Variants in TBC1D14 observed in about 807,000 individuals in gnomAD.
TBC1D14 encodes TBC1 domain family, member 14.
A neutral mutation model predicts 79.0 loss-of-function variants in TBC1D14; 26 were observed. The observed-to-expected ratio is 0.33, with a 90% CI of 0.24 to 0.46. The LOEUF is 0.46. Among genes scored for constraint, TBC1D14 ranks in the 20% least tolerant of loss-of-function variants. The pLI is 1.00. For missense variants in TBC1D14, 769 were observed against 887.6 expected (o/e 0.87, Z 1.70); for synonymous variants, 394 against 349.9 (o/e 1.13, Z -1.40).
intron 3 of TBC1D14, among the ~76,000 whole-genome samples, chr4:6,972,368 A>T (rs770089258): frequency 5.3e-5 from 8 of 152,220 alleles, no homozygotes; most frequent in Non-Finnish European, 1.0e-4. Flanking sequence ...GCCGCCGGCC[A>T]CCAAATGCAA....
At chr4:6,918,689 A>G (rs1723597076) in intron 1 of TBC1D14, among the ~76,000 whole-genome samples, 2 of 152,210 alleles carry the variant, frequency 1.3e-5, no homozygotes, top group Admixed American at 6.5e-5. Context: ...AGCTCTGTTT[A>G]GCATAGGATT....
intron 13 of TBC1D14, among the ~76,000 whole-genome samples, chr4:7,027,469 GCA>G (rs777823928): frequency 8.8e-4 from 93 of 105,196 alleles, no homozygotes; most frequent in Non-Finnish European, 1.3e-3. Context: ...TCACCCCCAC[GCA>G]CACTCATTGC....
chr4:6,946,130 G>A (rs540653502), intron 2 of TBC1D14, among the ~76,000 whole-genome samples: 3 of 152,226 alleles, frequency 2.0e-5, no homozygotes, highest in African/African-American at 2.4e-5. Context: ...GACAAGCCCC[G>A]TGAGGATGGG....
chr4:6,994,385 C>G, intron 4 of TBC1D14, 83 bp downstream of exon 4: 2 of 1,271,008 alleles, frequency 1.6e-6, no homozygotes, highest in Non-Finnish European at 2.3e-6. Context: ...TAGAGAAAAA[C>G]TAGGGTCAGA....
intron 2 of TBC1D14, among the ~76,000 whole-genome samples, chr4:6,944,378 G>C (rs530080296): frequency 6.6e-6 from 1 of 152,258 alleles, no homozygotes; most frequent in South Asian, 2.1e-4. Context: ...TTTTGCGTCT[G>C]CGTTTTGATG....
chr4:6,965,670 C>G (rs1715640410), intron 2 of TBC1D14, among the ~76,000 whole-genome samples: 1 of 152,156 alleles, frequency 6.6e-6, no homozygotes, highest in African/African-American at 2.4e-5. Flanking sequence ...TCCCCAGTAG[C>G]TAGGGCTGCT....
intron 2 of TBC1D14, among the ~76,000 whole-genome samples, chr4:6,928,475 T>G (rs1183193303): frequency 1.3e-5 from 2 of 152,324 alleles, no homozygotes; most frequent in East Asian, 3.9e-4. Context: ...AGGAGGTCAC[T>G]TAGCCCCTGC....
chr4:6,923,303 C>G, intron 1 of TBC1D14, 70 bp from the exon 2 acceptor site: 1 of 1,487,782 alleles, frequency 6.7e-7, no homozygotes. Flanking sequence ...ACCATTTCAG[C>G]TGTGTGTCAG....
chr4:6,953,615 G>T (rs1714318635), intron 2 of TBC1D14, among the ~76,000 whole-genome samples: 1 of 102,096 alleles, frequency 9.8e-6, no homozygotes, highest in African/African-American at 3.6e-5. Flanking sequence ...CTGGGCGACA[G>T]CGAGACTCCG....
chr4:6,986,328 T>A (rs1466475411), intron 3 of TBC1D14, among the ~76,000 whole-genome samples: 1 of 152,216 alleles, frequency 6.6e-6, no homozygotes. Context: ...TCTCTGGTCG[T>A]ATTTCTCTTG....
intron 2 of TBC1D14, among the ~76,000 whole-genome samples, chr4:6,944,045 T>TTG (rs962773768): frequency 6.6e-5 from 10 of 152,118 alleles, no homozygotes; most frequent in African/African-American, 2.4e-4. Context: ...TTGGGTTTTT[T>TTG]TGTGTGTGTG....
At chr4:6,932,668 A>T (rs1490810965) in intron 2 of TBC1D14, among the ~76,000 whole-genome samples, 1 of 152,194 alleles carries the variant, frequency 6.6e-6, no homozygotes, top group Non-Finnish European at 1.5e-5. Flanking sequence ...CCAGGAGTCC[A>T]GTGGCCATTC....
intron 2 of TBC1D14, among the ~76,000 whole-genome samples, chr4:6,960,246 T>A (rs1206304535): frequency 2.0e-5 from 3 of 149,582 alleles, no homozygotes; most frequent in African/African-American, 4.9e-5. Flanking sequence ...CATGCCTGGC[T>A]ATTTTTTTTT....
intron 3 of TBC1D14, among the ~76,000 whole-genome samples, chr4:6,970,336 C>T (rs1716111113): frequency 6.6e-6 from 1 of 152,214 alleles, no homozygotes; most frequent in African/African-American, 2.4e-5. Context: ...CCTCATTTTC[C>T]TCATCTCTAC....
At chr4:7,006,979 G>A (rs1242571557) in intron 9 of TBC1D14, among the ~76,000 whole-genome samples, 1 of 152,080 alleles carries the variant, frequency 6.6e-6, no homozygotes, top group East Asian at 1.9e-4. Context: ...TACATGTCTC[G>A]GGGCCCCTGT....
chr4:7,013,168 C>A (rs1720937289), intron 11 of TBC1D14, among the ~76,000 whole-genome samples: 1 of 152,192 alleles, frequency 6.6e-6, no homozygotes, highest in African/African-American at 2.4e-5. Context: ...TCCCTGGCAG[C>A]CCCGTTGAAC....
intron 7 of TBC1D14, among the ~76,000 whole-genome samples, chr4:7,003,861 A>G (rs73202120): frequency 0.15 from 23,567 of 152,136 alleles, 3,340 homozygotes; most frequent in African/African-American, 0.38. Context: ...AAAATTCACC[A>G]GGTGCGGTGG....
intron 12 of TBC1D14, among the ~76,000 whole-genome samples, chr4:7,024,728 C>T (rs756616211): frequency 9.8e-5 from 15 of 152,334 alleles, no homozygotes; most frequent in Non-Finnish European, 2.2e-4. Flanking sequence ...CGTGAGCACA[C>T]AGTAGGGGCT....
Position 6,967,649 on chromosome 4 carries a change from G to A in TBC1D14, c.843+225G>A, listed in dbSNP as rs368482077. On this transcript the variant is annotated intron_variant, in intron 3 of 13. Transcript: ENST00000409757. ...TAGGAAAGTCCATTTGACAGAGGTC[G>A]GCTTTAGATGTTTATAATGGTATTT... Among the ~76,000 whole-genome samples the A allele has an allele frequency of 2.4e-4, 37 of 152,310 alleles. No individual in the cohort carries two copies. The South Asian group carries it at 5.4e-3, about 22-fold the overall frequency.
Sources: gnomAD v4.1 joint callset for allele counts (sites outside exome capture counted in the v4.1 genomes callset) on GRCh38, gnomAD v4.1.1 for gene constraint, MANE v1.5 for transcripts, NCBI Gene and HGNC (gene_info 2026-07-23, HGNC 2026-07-21) for gene names.